The following ANAPC11 variants were observed in gnomAD, a reference collection of about 807,000 sequenced individuals.
The protein encoded by ANAPC11 is anaphase promoting complex subunit 11.
A neutral mutation model predicts 11.8 loss-of-function variants in ANAPC11; 5 were observed. The observed-to-expected ratio is 0.42, with a 90% confidence interval of 0.22 to 0.89. The LOEUF (loss-of-function observed/expected upper bound fraction) is 0.89. Ranked by LOEUF, ANAPC11 falls within the 40% of genes least tolerant of loss-of-function variation. ANAPC11 has a pLI of 0.28. For missense variants in ANAPC11, 68 were observed against 112.9 expected, an observed-to-expected ratio of 0.60 and a Z score of 1.80; for synonymous variants, 45 against 41.0, an observed-to-expected ratio of 1.10 and a Z score of -0.38.
chr17:81,899,916 G>T lies in ANAPC11; in HGVS notation c.110-4G>T. ...CTGTCCTTTTCCCCACCTCCCCTCCGTAGGCAAGGTGCCCGGCGACGACTG... is the reference window on the plus strand; with the variant it reads ...CTGTCCTTTTCCCCACCTCCCCTCCTTAGGCAAGGTGCCCGGCGACGACTG... On this transcript the variant is annotated splice_region_variant and splice_polypyrimidine_tract_variant and intron_variant, in intron 3 of 3. Transcript: ENST00000344877. The T allele has an allele frequency of 6.2e-7, 1 of 1,606,342 alleles. No homozygotes were observed. The highest frequency in any genetic ancestry group is 8.5e-7 in the Non-Finnish European group (1 of 1,174,888).
At chr17:81,895,050 C>CTTTTTTTT (rs766422017) in intron 3 of ANAPC11, among the ~76,000 whole-genome samples, 43 of 85,060 alleles carry the variant, frequency 5.1e-4, no homozygotes, top group East Asian at 6.5e-4. Flanking sequence ...TCTTTCTTTT[C>CTTTTTTTT]TTTTTTTTTT....
chr17:81,899,251 A>G (rs2039851734), intron 3 of ANAPC11: 5 of 1,611,464 alleles, frequency 3.1e-6, no homozygotes, highest in Non-Finnish European at 3.4e-6. Flanking sequence ...GGTCCTCTCC[A>G]TGGAGAAAGC....
intron 3 of ANAPC11, chr17:81,898,547 C>T (rs1055443645): frequency 3.3e-5 from 5 of 152,392 alleles, no homozygotes; most frequent in South Asian, 2.1e-4. Context: ...AGTGTTAACG[C>T]GCAAAGCGTT....
chr17:81,900,119 G>A lies in ANAPC11; in HGVS notation c.*54G>A, dbSNP rs1354244144. ...ATCCTGAGACTCCTTCCTCATGCTG[G>A]CGCCGATGGCTGCTGGGGACAGCGC... is the stretch of plus-strand genomic sequence containing the variant. On this transcript the variant is annotated 3_prime_UTR_variant, in exon 4 of 4. Transcript: ENST00000344877. 1 of 1,605,780 alleles carries A rather than the reference G, an allele frequency of 6.2e-7. No homozygotes were observed. Among genetic ancestry groups the A allele is most frequent in the Non-Finnish European group, 8.5e-7 (1 of 1,176,776 alleles).
At chr17:81,895,300 C>T (rs1181823431) in intron 3 of ANAPC11, among the ~76,000 whole-genome samples, 2 of 152,112 alleles carry the variant, frequency 1.3e-5, no homozygotes, top group East Asian at 3.8e-4. Flanking sequence ...ATCCACCCGC[C>T]TCAGCCTCCC....
At chr17:81,895,050 CTTTTTTT>C (rs766422017) in intron 3 of ANAPC11, among the ~76,000 whole-genome samples, 23 of 85,070 alleles carry the variant, frequency 2.7e-4, no homozygotes, top group Admixed American at 3.7e-4. Context: ...TCTTTCTTTT[CTTTTTTT>C]TTTTTTTTTT....
At chr17:81,899,584 C>T (rs1567872433) in intron 3 of ANAPC11, 3 of 1,588,792 alleles carry the variant, frequency 1.9e-6, no homozygotes, top group African/African-American at 1.3e-5. Context: ...GCACAGGGGA[C>T]ACAGGGTGGG....
intron 3 of ANAPC11, chr17:81,899,275 T>C: frequency 1.2e-6 from 2 of 1,612,506 alleles, no homozygotes; most frequent in Non-Finnish European, 1.7e-6. Context: ...TCTAGGTGTT[T>C]GGGCTGGTGC....
At chr17:81,895,054 T>C (rs1353007640) in intron 3 of ANAPC11, among the ~76,000 whole-genome samples, 16 of 138,106 alleles carry the variant, frequency 1.2e-4, no homozygotes, top group Admixed American at 1.4e-4. Context: ...TCTTTTCTTT[T>C]TTTTTTTTTT....
chr17:81,891,266 GC>G, upstream of ANAPC11: 2 of 1,081,000 alleles, frequency 1.9e-6, no homozygotes, highest in Non-Finnish European at 2.2e-6. Flanking sequence ...AGCGGCCCCG[GC>G]CCCAGCCCCG....
At chr17:81,899,684 GC>G (rs1292530784) in intron 3 of ANAPC11, 4 of 1,104,838 alleles carry the variant, frequency 3.6e-6, no homozygotes, top group Non-Finnish European at 2.5e-6. Flanking sequence ...TGCTGCGGTT[GC>G]CCCGGGTGGA....
chr17:81,898,794 C>T (rs2039830736), intron 3 of ANAPC11: 1 of 167,512 alleles, frequency 6.0e-6, no homozygotes, highest in South Asian at 1.7e-4. Flanking sequence ...TGGAATGAGT[C>T]ACCCTCAGTG....
chr17:81,890,919 G>C, upstream of ANAPC11: 5 of 1,552,978 alleles, frequency 3.2e-6, no homozygotes, highest in Non-Finnish European at 4.4e-6. Context: ...CCCGGCCTGA[G>C]AGGATCCGGC....
At chr17:81,890,873 T>C, upstream of ANAPC11, 1 of 1,612,138 alleles carries the variant, frequency 6.2e-7, no homozygotes, top group Non-Finnish European at 8.5e-7. Flanking sequence ...TCCAGGGCTT[T>C]CCTGACCCTC....
At chr17:81,891,367 C>A, upstream of ANAPC11, 1 of 1,149,390 alleles carries the variant, frequency 8.7e-7, no homozygotes, top group Non-Finnish European at 1.1e-6. Flanking sequence ...CCGCCGGCCG[C>A]GCCGCGGGCG....
chr17:81,898,686 A>G (rs1598303270), intron 3 of ANAPC11: 1 of 153,378 alleles, frequency 6.5e-6, no homozygotes, highest in Non-Finnish European at 1.5e-5. Flanking sequence ...CTGGTAAACA[A>G]TGAGTCCATC....
chr17:81,891,622 G>C, upstream of ANAPC11: 1 of 1,343,674 alleles, frequency 7.4e-7, no homozygotes, highest in Non-Finnish European at 9.6e-7. Context: ...CGTCACTTCC[G>C]GCGCCGCGTG....
At chr17:81,893,637 C>T (rs1363188656) in intron 2 of ANAPC11, 23 bp downstream of exon 2, 2 of 152,174 alleles carry the variant, frequency 1.3e-5, no homozygotes, top group Non-Finnish European at 2.9e-5. Flanking sequence ...TCCTGACTGT[C>T]CTGTGCTCCC....
At chr17:81,894,627 G>T in intron 3 of ANAPC11, 41 bp downstream of exon 3, 1 of 1,428,880 alleles carries the variant, frequency 7.0e-7, no homozygotes, top group South Asian at 1.2e-5. Context: ...CCCCGACTGT[G>T]AGTGTCCCCT....
Sources: allele counts gnomAD v4.1 joint callset (sites outside exome capture counted in the v4.1 genomes callset), GRCh38; gene constraint gnomAD v4.1.1; transcripts MANE v1.5; gene names NCBI Gene and HGNC (gene_info 2026-07-23, HGNC 2026-07-21).